MINDY1: variants seen among roughly 807,000 people sequenced by gnomAD.
MINDY1 encodes ubiquitin carboxyl-terminal hydrolase MINDY-1.
MINDY1 carries 50 observed loss-of-function variants against 53.6 expected under a neutral mutation model. The ratio of observed to expected loss-of-function variants is 0.93; its 90% confidence interval spans 0.74 to 1.18. The LOEUF (loss-of-function observed/expected upper bound fraction) is 1.18, where lower values mean the gene tolerates loss of function less well. MINDY1 is among the 50% of genes most tolerant of loss of function. MINDY1 has a pLI of 0.00. For missense variants in MINDY1, 484 were observed against 578.6 expected, an observed-to-expected ratio of 0.84 and a Z score of 1.68; for synonymous variants, 231 against 234.7, an observed-to-expected ratio of 0.98 and a Z score of 0.14.
Position 150,998,254 on chromosome 1 carries a change from A to G in MINDY1, c.1001T>C (p.Val334Ala), listed in dbSNP as rs763711669. 4.0e-5 allele frequency: 64 copies of G among 1,613,734 alleles called. No homozygotes were observed. The highest frequency in any genetic ancestry group is 5.2e-5 in the Non-Finnish European group (61 of 1,179,930). ...TKHKSHLYLL[V>A]TDQGFLQEEQ... ...CTCCTGTAGAAAGCCCTGGTCAGTG[A>G]CCAGTAGGTATAAGTGACTCTACAA... Residue 334 changes from valine to alanine, a missense_variant, in exon 8 of 10, where the codon GTC becomes GCC. Val to Ala is a moderately conservative substitution (Grantham distance 64). Coordinates refer to ENST00000683666, the MANE Select transcript of MINDY1 (RefSeq NM_001376665.1).
intron 7 of MINDY1, among the ~76,000 whole-genome samples, chr1:150,998,598 T>C (rs1672148342): frequency 6.6e-6 from 1 of 152,158 alleles, no homozygotes; most frequent in Non-Finnish European, 1.5e-5. Flanking sequence ...CCTCATGATC[T>C]GCCCGCCTCG....
At chr1:151,005,388 G>T (rs374984690) in intron 1 of MINDY1, among the ~76,000 whole-genome samples, 2 of 150,666 alleles carry the variant, frequency 1.3e-5, no homozygotes, top group Non-Finnish European at 2.9e-5. Flanking sequence ...GGAGGTGGAG[G>T]TTGCAGTAAG....
Position 150,999,559 on chromosome 1 carries a change from C to A in MINDY1, c.839-48G>T. On this transcript the variant is annotated intron_variant, in intron 6 of 9. Coordinates refer to ENST00000683666, the MANE Select transcript of MINDY1 (RefSeq NM_001376665.1). The surrounding 1 kb of genome is among the most constrained non-coding windows in gnomAD (Gnocchi z 4.4). The stretch of plus-strand genomic sequence containing the variant: ...GGGAAACTTGGCTTAAATTCAAGGT[C>A]CACAACAGGAAGGACCATCCAGAGA... 2 of 1,608,498 alleles carry A rather than the reference C, an allele frequency of 1.2e-6. No individual in the cohort carries two copies. The highest frequency in any genetic ancestry group is 1.1e-5 in the South Asian group (1 of 90,840).
Position 151,002,307 on chromosome 1 carries a change from G to A in MINDY1, c.311C>T (p.Pro104Leu). 1 of 1,614,192 alleles carries A rather than the reference G, an allele frequency of 6.2e-7. No individual in the cohort carries two copies. The part of the protein sequence containing the change: ...CSMPQELPQS[P>L]RTRQPEPDFY... ...ATCTGGCTCAGGCTGTCGGGTCCTGGGGGACTGAGGAAGCTCCTGGGGCAT... is the reference window on the plus strand; with the variant it reads ...ATCTGGCTCAGGCTGTCGGGTCCTGAGGGACTGAGGAAGCTCCTGGGGCAT... Residue 104 changes from proline to leucine, a missense_variant, in exon 2 of 10, where the codon CCC becomes CTC. Coordinates refer to ENST00000683666, the MANE Select transcript of MINDY1 (RefSeq NM_001376665.1). This position sits in a 1 kb window ranked among gnomAD's most constrained non-coding sequence, Gnocchi z 4.1.
At chr1:151,000,109 GA>G in intron 5 of MINDY1, 145 bp from the exon 6 acceptor site, 1 of 637,822 alleles carries the variant, frequency 1.6e-6, no homozygotes, top group South Asian at 2.2e-5. Flanking sequence ...TCTCAAAAAA[GA>G]AAAAAATTTC....
chr1:150,997,921 A>T, intron 8 of MINDY1, 142 bp from the exon 9 acceptor site: 1 of 1,142,896 alleles, frequency 8.7e-7, no homozygotes, highest in Non-Finnish European at 1.2e-6. Context: ...CAAATGCATT[A>T]TCTGTGGTGC....
At chr1:151,001,904 G>A in intron 2 of MINDY1, 122 bp from the exon 3 acceptor site, 2 of 1,054,584 alleles carry the variant, frequency 1.9e-6, no homozygotes, top group Non-Finnish European at 2.7e-6. Context: ...GCTTGCAACT[G>A]GCACAAGGGA....
chr1:151,000,416 C>A, intron 5 of MINDY1, 41 bp downstream of exon 5: 1 of 1,541,238 alleles, frequency 6.5e-7, no homozygotes, highest in Non-Finnish European at 8.7e-7. Context: ...CTCATGTCAG[C>A]TTGAGCTGGA....
chr1:151,001,238 C>A lies in MINDY1; in HGVS notation c.576+12G>T. 1.2e-6 allele frequency: 2 copies of A among 1,614,116 alleles called. No homozygotes were observed. The highest frequency in any genetic ancestry group is 1.7e-6 in the Non-Finnish European group (2 of 1,179,998). ...CCTGCAAACCCCTATGCCTGCAGAC[C>A]TTTTGCCTCACCTGCTGAAAATTAA... On this transcript the variant is annotated intron_variant, in intron 4 of 9. Transcript: ENST00000683666.
At chr1:150,997,813 G>T in intron 8 of MINDY1, 34 bp from the exon 9 acceptor site, 3 of 1,583,266 alleles carry the variant, frequency 1.9e-6, no homozygotes, top group Non-Finnish European at 8.6e-7. Flanking sequence ...GTGGGCTGAG[G>T]CCCAGAGCCG....
chr1:151,000,103 A>T (rs1373834966), intron 5 of MINDY1, 139 bp from the exon 6 acceptor site: 10 of 643,404 alleles, frequency 1.6e-5, no homozygotes, highest in Non-Finnish European at 2.6e-5. Context: ...TTGGTCTCTC[A>T]AAAAAGAAAA....
Position 151,002,185 on chromosome 1 carries a change from T to A in MINDY1, c.433A>T (p.Ile145Phe), listed in dbSNP as rs760353041. 1.1e-5 allele frequency: 18 copies of A among 1,609,578 alleles called. No homozygotes were observed. The highest frequency in any genetic ancestry group is 1.5e-5 in the Non-Finnish European group (18 of 1,177,520). Reference sequence around the variant, plus strand: ...CTTACCTTCCACTGAAGAAAGAGGATGTTCATGATGGCAAGGAGAGGGCAA... The same window carrying A: ...CTTACCTTCCACTGAAGAAAGAGGAAGTTCATGATGGCAAGGAGAGGGCAA... The part of the protein sequence containing the change: ...GPCPLLAIMN[I>F]LFLQWKVKLP... Residue 145 changes from isoleucine to phenylalanine, a missense_variant, in exon 2 of 10, where the codon ATC (isoleucine) becomes TTC (phenylalanine). By Grantham distance (21) the Ile-to-Phe change is conservative. Transcript: ENST00000683666. This position sits in a 1 kb window ranked among gnomAD's most constrained non-coding sequence, Gnocchi z 4.1.
Position 150,998,065 on chromosome 1 carries a change from C to G in MINDY1, c.1173+17G>C. ...GGCACATGTGCTCTCTGCACTTTTC[C>G]TAAGTGCCCTACACACCTGGTCTAC... On this transcript the variant is annotated intron_variant, in intron 8 of 9. Transcript: ENST00000683666. 1 of 1,595,614 alleles carries G rather than the reference C, an allele frequency of 6.3e-7. No homozygotes were observed. Among genetic ancestry groups the G allele is most frequent in the South Asian group, 1.1e-5 (1 of 89,116 alleles).
Position 151,006,717 on chromosome 1 carries a change from G to T in MINDY1, c.-495C>A, listed in dbSNP as rs1393400024. ...TCTCATCAGGACGAAGAAAAATTAG[G>T]CAAGGACAAGCTCCCTGGAGGAGGA... On this transcript the variant is annotated 5_prime_UTR_variant, in exon 1 of 10. Coordinates refer to ENST00000683666, the MANE Select transcript of MINDY1 (RefSeq NM_001376665.1). 3 of 985,418 alleles carry T rather than the reference G, an allele frequency of 3.0e-6. No individual in the cohort carries two copies. Among genetic ancestry groups the T allele is most frequent in the Non-Finnish European group, 3.6e-6 (3 of 830,026 alleles). The allele number at this position is 985,418 out of a possible 1,614,324, so 61.0% of individuals were successfully genotyped here.
At chr1:150,998,343 G>T in intron 7 of MINDY1, 70 bp from the exon 8 acceptor site, 1 of 1,438,304 alleles carries the variant, frequency 7.0e-7, no homozygotes, top group Non-Finnish European at 9.4e-7. Context: ...CAGAAATCTC[G>T]GTATGAGCAT....
At chr1:151,001,873 T>C (rs1479185225) in intron 2 of MINDY1, 91 bp from the exon 3 acceptor site, 1 of 1,369,484 alleles carries the variant, frequency 7.3e-7, no homozygotes, top group Non-Finnish European at 9.9e-7. Flanking sequence ...GCTCCAGTAG[T>C]AGGGTGGGGT....
chr1:151,002,222 G>A lies in MINDY1; in HGVS notation c.396C>T (p.Ser132=), dbSNP rs587681896. The change falls in exon 2 of 10, where the codon AGC becomes AGT. Residue 132 remains serine (S), a synonymous_variant. Transcript: ENST00000683666. The surrounding 1 kb of genome is among the most constrained non-coding windows in gnomAD (Gnocchi z 4.1). The part of the protein sequence containing the change: ...KGEQTPIITQ[S]TNGPCPLLAI... ...CAAGGAGAGGGCAAGGGCCGTTAGTGCTCTGGGTGATGATGGGTGTCTGTT... is the reference window on the plus strand; with the variant it reads ...CAAGGAGAGGGCAAGGGCCGTTAGTACTCTGGGTGATGATGGGTGTCTGTT... 2 of 1,614,142 alleles carry A rather than the reference G, an allele frequency of 1.2e-6. No homozygotes were observed. Among genetic ancestry groups the A allele is most frequent in the African/African-American group, 1.3e-5 (1 of 75,032 alleles).
chr1:151,007,653 C>A (rs1464097281), upstream of MINDY1, among the ~76,000 whole-genome samples: 1 of 152,026 alleles, frequency 6.6e-6, no homozygotes, highest in African/African-American at 2.4e-5. Context: ...GTGAGGCTGA[C>A]GGTAGGAAAT....
In MINDY1 at chr1:150,997,359, T is replaced by C. The variant is rs1671934353; in HGVS notation, c.1338A>G (p.Gly446=). The stretch of plus-strand genomic sequence containing the variant: ...CCCCGGCTGGGCGTCCAGATGTGGC[T>C]CCTCTCCCCTGTATCGGATTTAACA... The part of the protein sequence containing the change: ...RTRVLSLQGR[G]ATSGRPAGER... The change falls in exon 10 of 10, where the codon GGA becomes GGG. Residue 446 remains glycine (G), a synonymous_variant. Transcript: ENST00000683666. The C allele has an allele frequency of 4.4e-6, 7 of 1,600,306 alleles. No homozygotes were observed. Among genetic ancestry groups the C allele is most frequent in the Non-Finnish European group, 6.0e-6 (7 of 1,172,238 alleles).
Sources: allele counts gnomAD v4.1 joint callset (sites outside exome capture counted in the v4.1 genomes callset), GRCh38; gene constraint gnomAD v4.1.1; non-coding constraint Gnocchi (gnomAD v3.1); transcripts MANE v1.5; gene names NCBI Gene and HGNC (gene_info 2026-07-23, HGNC 2026-07-21).